The following UTY variants were observed in gnomAD, a reference collection of about 807,000 sequenced individuals.
The protein encoded by UTY is ubiquitously transcribed tetratricopeptide repeat containing, Y-linked.
In UTY, 12 loss-of-function variants were observed where a neutral mutation model predicts 32.5. That is an observed-to-expected ratio of 0.37 (90% CI 0.24 to 0.60). UTY has a LOEUF of 0.60. Ranked by LOEUF, UTY falls within the 20% of genes least tolerant of loss-of-function variation. The probability of loss-of-function intolerance (pLI) is 0.69; values close to 1 mark genes in which losing one functional copy is unlikely to be tolerated. For missense variants in UTY, 303 were observed against 299.2 expected, an observed-to-expected ratio of 1.01 and a Z score of -0.09; for synonymous variants, 131 against 103.4, an observed-to-expected ratio of 1.27 and a Z score of -1.62.
chrY:13,339,718 G>A, intron 17 of UTY, among the ~76,000 whole-genome samples: 1 of 33,744 alleles, frequency 3.0e-5, no homozygotes, highest in African/African-American at 1.2e-4. Context: ...GCACAGATCT[G>A]TTAGCAGGGA....
intron 27 of UTY, among the ~76,000 whole-genome samples, chrY:13,278,584 C>T (rs2056825456): frequency 3.0e-5 from 1 of 33,440 alleles, no homozygotes; most frequent in Non-Finnish European, 7.4e-5. Flanking sequence ...TTGGGCCTTC[C>T]GTGAACTTCG....
intron 27 of UTY, among the ~76,000 whole-genome samples, chrY:13,265,440 A>G: frequency 3.0e-5 from 1 of 33,419 alleles, no homozygotes; most frequent in Admixed American, 2.7e-4. Flanking sequence ...TTGTAGTTCT[A>G]CTTGAAGAGG....
chrY:13,356,089 T>TA, intron 15 of UTY, 71 bp from the exon 16 acceptor site: 1 of 199,927 alleles, frequency 5.0e-6, no homozygotes, highest in Non-Finnish European at 8.4e-6. Context: ...AACTCCTCAC[T>TA]AAAAAGACTA....
rs1177229011 is a variant in UTY, at chrY:13,358,444, T to A, written c.1476+20A>T. The stretch of plus-strand genomic sequence containing the variant: ...TCATTTTTGACTGGGATTTTCCATA[T>A]CTCTAAAATGTATATATACCTTTGT... On this transcript the variant is annotated intron_variant, in intron 14 of 29. Coordinates refer to ENST00000545955, the MANE Select transcript of UTY (RefSeq NM_001258249.2). 8.0e-6 allele frequency: 3 copies of A among 373,675 alleles called. No homozygotes were observed. In the African/African-American group the frequency reaches 2.0e-4, roughly 24 times the overall value. The allele number at this position is 373,675 out of a possible 400,897, so 93.2% of individuals were successfully genotyped here.
In UTY at chrY:13,306,025, C is replaced by T; in HGVS notation, c.3416+13G>A. 5.1e-6 allele frequency: 2 copies of T among 393,911 alleles called. No individual in the cohort carries two copies. The highest frequency in any genetic ancestry group is 7.2e-6 in the Non-Finnish European group (2 of 279,221). The stretch of plus-strand genomic sequence containing the variant: ...TCAGTTCATGGAAATAGCACTAGGG[C>T]AGGGAGACTTACTTTTTGTTATCAG... On this transcript the variant is annotated intron_variant, in intron 23 of 29. Coordinates refer to ENST00000545955, the MANE Select transcript of UTY (RefSeq NM_001258249.2).
downstream of UTY, among the ~76,000 whole-genome samples, chrY:13,245,615 T>C (rs1011803309): frequency 5.8e-5 from 2 of 34,392 alleles, no homozygotes; most frequent in Non-Finnish European, 1.5e-4. Context: ...TTTACTTCCA[T>C]TCCACAAAAT....
intron 6 of UTY, among the ~76,000 whole-genome samples, chrY:13,408,198 AATG>A (rs2070350557): frequency 3.1e-5 from 1 of 32,763 alleles, no homozygotes; most frequent in Non-Finnish European, 7.6e-5. Context: ...TCAAGATAAG[AATG>A]ATAAATCATA....
At chrY:13,312,531 G>A in intron 21 of UTY, among the ~76,000 whole-genome samples, 3 of 32,472 alleles carry the variant, frequency 9.2e-5, no homozygotes, top group African/African-American at 2.4e-4. Flanking sequence ...AGGCTGAGGC[G>A]GGCGGGTCAT....
At chrY:13,372,049 T>C (rs779095391) in intron 8 of UTY, among the ~76,000 whole-genome samples, 1 of 33,770 alleles carries the variant, frequency 3.0e-5, no homozygotes, top group Admixed American at 2.7e-4. Context: ...CCTGATACTT[T>C]TGCAATGACA....
chrY:13,455,590 C>G (rs2076741273), intron 3 of UTY, among the ~76,000 whole-genome samples: 1 of 33,436 alleles, frequency 3.0e-5, no homozygotes, highest in African/African-American at 1.2e-4. Flanking sequence ...AAAAATAGTT[C>G]TATATTCCCA....
chrY:13,446,613 GATA>G (rs2075866380), intron 4 of UTY, among the ~76,000 whole-genome samples: 1 of 27,889 alleles, frequency 3.6e-5, no homozygotes, highest in Non-Finnish European at 8.5e-5. Context: ...TAGATAGATA[GATA>G]GATAGACAGA....
chrY:13,364,290 C>T (rs778653628), intron 10 of UTY, among the ~76,000 whole-genome samples: 11 of 31,395 alleles, frequency 3.5e-4, no homozygotes, highest in Admixed American at 3.2e-3. Context: ...TAAGATATAA[C>T]CTTGTTTTGA....
At chrY:13,472,782 T>C (rs2078628725) in intron 2 of UTY, among the ~76,000 whole-genome samples, 1 of 34,129 alleles carries the variant, frequency 2.9e-5, no homozygotes, top group South Asian at 6.2e-4. Flanking sequence ...GGTGATTATC[T>C]TAAGTGAAAC....
Position 13,297,716 on chromosome Y carries a change from T to C in UTY, c.4001A>G (p.Glu1334Gly). Residue 1334 changes from glutamate to glycine, a missense_variant, in exon 27 of 30, where the codon GAA (glutamate) becomes GGA (glycine). Physicochemically the swap from Glu to Gly is moderately conservative, Grantham distance 98. Coordinates refer to ENST00000545955, the MANE Select transcript of UTY (RefSeq NM_001258249.2). ...TTCAGAAGGCACTTACTTAATCATTTCAAAAAGCTTTGGATCTGAGACTTT... is the reference window on the plus strand; with the variant it reads ...TTCAGAAGGCACTTACTTAATCATTCCAAAAAGCTTTGGATCTGAGACTTT... ...NIKVSDPKLFEMIKYCLLKIL... is the reference protein window; with the variant it reads ...NIKVSDPKLFGMIKYCLLKIL... 5.0e-6 allele frequency: 2 copies of C among 398,516 alleles called. No individual in the cohort carries two copies. The highest frequency in any genetic ancestry group is 7.1e-6 in the Non-Finnish European group (2 of 283,359).
chrY:13,265,247 A>T (rs757604495), intron 27 of UTY, among the ~76,000 whole-genome samples: 287 of 33,710 alleles, frequency 8.5e-3, no homozygotes, highest in African/African-American at 0.032. Flanking sequence ...TCCGTATAAA[A>T]TTTACAAGTA....
At chrY:13,299,988 T>C in intron 25 of UTY, 2 of 216,985 alleles carry the variant, frequency 9.2e-6, no homozygotes, top group Non-Finnish European at 1.1e-5. Context: ...GTGGCAGATA[T>C]AAGAACCAGG....
chrY:13,337,879 A>G (rs2061196635), intron 17 of UTY, among the ~76,000 whole-genome samples: 1 of 32,829 alleles, frequency 3.0e-5, no homozygotes, highest in Admixed American at 2.8e-4. Context: ...ATTCTCACAC[A>G]ATGTACAAAA....
downstream of UTY, among the ~76,000 whole-genome samples, chrY:13,247,900 T>TTGGTATACTA (rs2053967673): frequency 9.0e-5 from 3 of 33,468 alleles, no homozygotes; most frequent in Non-Finnish European, 7.4e-5. Flanking sequence ...GGTATAGCTC[T>TTGGTATACTA]GGTATTCTAG....
chrY:13,461,041 A>G, intron 3 of UTY, among the ~76,000 whole-genome samples: 1 of 32,943 alleles, frequency 3.0e-5, no homozygotes, highest in African/African-American at 1.2e-4. Flanking sequence ...CTGTATACAT[A>G]CTAGAACAAA....
Sources: gnomAD v4.1 joint callset for allele counts (sites outside exome capture counted in the v4.1 genomes callset) on GRCh38, gnomAD v4.1.1 for gene constraint, MANE v1.5 for transcripts, NCBI Gene and HGNC (gene_info 2026-07-23, HGNC 2026-07-21) for gene names.